The following GAK variants were observed in gnomAD, a reference collection of about 807,000 sequenced individuals.
GAK encodes cyclin G associated kinase.
A neutral mutation model predicts 143.9 loss-of-function variants in GAK; 79 were observed. The observed-to-expected ratio is 0.55, with a 90% confidence interval of 0.46 to 0.66. The LOEUF is 0.66. Ranked by LOEUF, GAK falls within the 30% of genes least tolerant of loss-of-function variation. The probability of loss-of-function intolerance (pLI) is 0.00; values close to 1 mark genes in which losing one functional copy is unlikely to be tolerated. For synonymous variants in GAK, 881 were observed against 765.5 expected, an observed-to-expected ratio of 1.15 and a Z score of -2.49; for missense variants, 1,693 against 1,779.7, an observed-to-expected ratio of 0.95 and a Z score of 0.88.
At chr4:851,614 C>T (rs1026148739) in intron 25 of GAK, 136 bp downstream of exon 25, 26 of 854,236 alleles carry the variant, frequency 3.0e-5, no homozygotes, top group East Asian at 1.0e-4. Flanking sequence ...TCGGAAACCG[C>T]GTCGTTCTCT....
Position 920,539 on chromosome 4 carries a change from A to AATTTTTTTTTTTTT in GAK, c.146-6872_146-6871insAAAAAAAAAAAAAT, listed in dbSNP as rs766096942. Among the ~76,000 whole-genome samples, 8 of 129,590 alleles carry AATTTTTTTTTTTTT rather than the reference A, an allele frequency of 6.2e-5. 2 individuals are homozygous for AATTTTTTTTTTTTT. The highest frequency in any genetic ancestry group is 2.5e-4 in the South Asian group (1 of 4,032). The allele number at this position is 129,590 out of a possible 152,430, so 85.0% of individuals were successfully genotyped here. A position where few individuals can be genotyped will look rare whatever the true frequency, so the allele number is the denominator to read the frequency against. Reference sequence around the variant, plus strand: ...AAAATTGTGAAAAAGGTTTAGAGCCATTTTTTTTTTTTTTTTTTTTTTGAG... The same window carrying AATTTTTTTTTTTTT: ...AAAATTGTGAAAAAGGTTTAGAGCCAATTTTTTTTTTTTTTTTTTTTTTTTTTTTTTTTTTTGAG... On this transcript the variant is annotated intron_variant, in intron 1 of 27. Coordinates refer to ENST00000314167, the MANE Select transcript of GAK (RefSeq NM_005255.4).
At chr4:863,428 G>A (rs572232271) in intron 23 of GAK, among the ~76,000 whole-genome samples, 27 of 152,342 alleles carry the variant, frequency 1.8e-4, no homozygotes, top group Non-Finnish European at 3.4e-4. Context: ...ACACAGCAGT[G>A]GCAGGTTTGG....
intron 1 of GAK, among the ~76,000 whole-genome samples, chr4:929,727 A>G (rs919227751): frequency 6.6e-6 from 1 of 152,168 alleles, no homozygotes; most frequent in Non-Finnish European, 1.5e-5. Flanking sequence ...AATTTGAAGA[A>G]ATTAGAAAGC....
chr4:925,507 A>C (rs1346854868), intron 1 of GAK, among the ~76,000 whole-genome samples: 2 of 152,228 alleles, frequency 1.3e-5, no homozygotes, highest in African/African-American at 4.8e-5. Context: ...CACTTTTCTA[A>C]CGTAAAATAC....
intron 18 of GAK, 71 bp downstream of exon 18, chr4:876,459 C>T (rs955141349): frequency 1.4e-5 from 19 of 1,366,678 alleles, no homozygotes; most frequent in African/African-American, 4.3e-5. Flanking sequence ...CTCCCACGAC[C>T]GGCCCACATG....
intron 23 of GAK, 78 bp downstream of exon 23, chr4:865,044 A>G (rs1750913348): frequency 1.3e-6 from 2 of 1,543,290 alleles, no homozygotes; most frequent in Admixed American, 3.6e-5. Flanking sequence ...GGGCCCTGTT[A>G]CAGGTACGTG....
chr4:854,969 C>T (rs113121390), intron 24 of GAK, among the ~76,000 whole-genome samples: 124 of 152,262 alleles, frequency 8.1e-4, no homozygotes, highest in African/African-American at 2.8e-3. Context: ...GGCGTGAACC[C>T]GGTAAGGGAA....
chr4:849,871 C>T, intron 27 of GAK, 21 bp downstream of exon 27: 1 of 1,527,558 alleles, frequency 6.5e-7, no homozygotes, highest in Non-Finnish European at 8.9e-7. Flanking sequence ...CCTCAAGCGG[C>T]CGCCTGGCAG....
intron 4 of GAK, among the ~76,000 whole-genome samples, chr4:909,201 A>C (rs1264796620): frequency 1.3e-5 from 2 of 152,218 alleles, no homozygotes; most frequent in East Asian, 3.8e-4. Context: ...TATAATGAAA[A>C]CTGACAAGTA....
chr4:868,370 G>A (rs1430418566), intron 20 of GAK, among the ~76,000 whole-genome samples, 169 bp downstream of exon 20: 1 of 152,114 alleles, frequency 6.6e-6, no homozygotes, highest in African/African-American at 2.4e-5. Context: ...ATCATTCTTA[G>A]CTCGTGAGCC....
In GAK at chr4:851,957, G is replaced by A; in HGVS notation, c.3301C>T (p.Pro1101Ser). The change falls in exon 25 of 28, where the codon CCT becomes TCT. Residue 1101 changes from proline (P) to serine (S), a missense_variant. Around this residue, in one of 2 missense-constraint regions of GAK, gnomAD observed 822 missense variants for 788.7 expected, o/e 1.04. Transcript: ENST00000314167. ...GTTTTGGGAATGAAGCCCCCAGGAGGGAATCCAGCTGGTGAGCCTGTGGAG... is the reference window on the plus strand; with the variant it reads ...GTTTTGGGAATGAAGCCCCCAGGAGAGAATCCAGCTGGTGAGCCTGTGGAG... ...SGLQGSPAGF[P>S]PGGFIPKTAT... The A allele has an allele frequency of 1.2e-6, 2 of 1,613,754 alleles. No homozygotes were observed. The highest frequency in any genetic ancestry group is 1.7e-6 in the Non-Finnish European group (2 of 1,179,858).
At chr4:909,086 A>G (rs1244675944) in intron 4 of GAK, among the ~76,000 whole-genome samples, 1 of 152,190 alleles carries the variant, frequency 6.6e-6, no homozygotes, top group Admixed American at 6.5e-5. Flanking sequence ...ACCTCAAGCG[A>G]TGCACCCGCC....
chr4:883,876 C>T (rs572435559), intron 12 of GAK, among the ~76,000 whole-genome samples, 161 bp downstream of exon 12: 3 of 152,368 alleles, frequency 2.0e-5, no homozygotes, highest in East Asian at 3.9e-4. Flanking sequence ...GTGCTGAGCA[C>T]AGGCCGCCTG....
chr4:901,917 C>T (rs1323244531), intron 5 of GAK, among the ~76,000 whole-genome samples: 1 of 152,260 alleles, frequency 6.6e-6, no homozygotes, highest in African/African-American at 2.4e-5. Context: ...TCCCACCTCA[C>T]TGCGGATAAT....
At chr4:889,029 G>A (rs1717125493) in intron 10 of GAK, 59 bp from the exon 11 acceptor site, 9 of 1,533,122 alleles carry the variant, frequency 5.9e-6, no homozygotes, top group Admixed American at 1.9e-5. Context: ...CCCCAGGTGC[G>A]GGTTGCTGGC....
intron 5 of GAK, among the ~76,000 whole-genome samples, chr4:903,739 G>A (rs931450050): frequency 4.1e-4 from 62 of 151,948 alleles, no homozygotes; most frequent in African/African-American, 1.4e-3. Flanking sequence ...AGTGTGGGGT[G>A]AGCAGGAATA....
At chr4:854,235 C>T (rs1748737694) in intron 24 of GAK, among the ~76,000 whole-genome samples, 1 of 151,736 alleles carries the variant, frequency 6.6e-6, no homozygotes, top group Non-Finnish European at 1.5e-5. Context: ...ACAAAGGTCT[C>T]TGGTTTTCGT....
chr4:876,407 G>C, intron 18 of GAK, 123 bp downstream of exon 18: 1 of 803,486 alleles, frequency 1.2e-6, no homozygotes, highest in Non-Finnish European at 2.1e-6. Context: ...CAGGCCCAGA[G>C]CCACCAAGCA....
At chr4:888,544 G>T in intron 11 of GAK, 1 of 363,328 alleles carries the variant, frequency 2.8e-6, no homozygotes, top group East Asian at 5.7e-5. Flanking sequence ...ACAGAGTCCC[G>T]GGAACAAGCC....
Sources: allele counts gnomAD v4.1 joint callset (sites outside exome capture counted in the v4.1 genomes callset), GRCh38; gene constraint gnomAD v4.1.1; regional missense constraint gnomAD v4.1.1; transcripts MANE v1.5; gene names NCBI Gene and HGNC (gene_info 2026-07-23, HGNC 2026-07-21).